Variants in NBAS observed in about 807,000 individuals in gnomAD.
The protein encoded by NBAS is NAG/BC035112 fusion.
NBAS carries 219 observed loss-of-function variants against 302.5 expected under a neutral mutation model. The ratio of observed to expected loss-of-function variants is 0.72; its 90% CI spans 0.65 to 0.81. The LOEUF is 0.81. Ranked by LOEUF, NBAS falls within the 30% of genes least tolerant of loss-of-function variation. The probability of loss-of-function intolerance (pLI) is 0.00; values close to 1 mark genes in which losing one functional copy is unlikely to be tolerated. For synonymous variants in NBAS, 1,118 were observed against 1,021.6 expected, an observed-to-expected ratio of 1.09 and a Z score of -1.80; for missense variants, 2,932 against 2,841.6, an observed-to-expected ratio of 1.03 and a Z score of -0.72.
intron 9 of NBAS, among the ~76,000 whole-genome samples, chr2:15,517,527 G>A (rs1662456829): frequency 6.6e-6 from 1 of 152,096 alleles, no homozygotes; most frequent in Non-Finnish European, 1.5e-5. Context: ...ATATATGTCT[G>A]TGAATGTATA....
intron 25 of NBAS, among the ~76,000 whole-genome samples, chr2:15,411,228 A>C (rs970859429): frequency 1.9e-4 from 29 of 152,238 alleles, no homozygotes; most frequent in Non-Finnish European, 4.0e-4. Flanking sequence ...CTGACTCATC[A>C]TTTTAAAGAC....
chr2:15,494,495 C>T lies in NBAS; in HGVS notation c.955-5473G>A, dbSNP rs113770609. Among the ~76,000 whole-genome samples the T allele has an allele frequency of 3.9e-3, 601 of 152,266 alleles. 2 individuals carry two copies. The highest frequency in any genetic ancestry group is 0.014 in the African/African-American group (563 of 41,546). On this transcript the variant is annotated intron_variant, in intron 11 of 51. Transcript: ENST00000281513. The stretch of plus-strand genomic sequence containing the variant: ...TGAATCCATAATAACACATCTTAAT[C>T]GTAAATTCCAACAACATGTCTCATT...
At chr2:14,797,109 A>C in the NBAS span, among the ~76,000 whole-genome samples, 5 of 149,790 alleles carry the variant, frequency 3.3e-5, no homozygotes, top group African/African-American at 1.2e-4. Context: ...AAAAAAAAAA[A>C]AAAAACCAAA....
chr2:15,198,805 A>G (rs1665736362), intron 48 of NBAS, among the ~76,000 whole-genome samples: 1 of 152,218 alleles, frequency 6.6e-6, no homozygotes, highest in African/African-American at 2.4e-5. Context: ...ATGTATGTGC[A>G]TACTATAGCT....
the NBAS span, among the ~76,000 whole-genome samples, chr2:14,915,533 T>C: frequency 2.6e-5 from 4 of 152,292 alleles, no homozygotes; most frequent in African/African-American, 9.6e-5. Flanking sequence ...GCTATTCTCA[T>C]GACAGTGAAT....
At chr2:14,874,463 T>TAAAA in the NBAS span, among the ~76,000 whole-genome samples, 1 of 129,648 alleles carries the variant, frequency 7.7e-6, no homozygotes, top group Non-Finnish European at 1.6e-5. Flanking sequence ...CGTCTCTACT[T>TAAAA]AAAAAAAAAA....
At chr2:15,247,863 C>A (rs1435843738) in intron 44 of NBAS, among the ~76,000 whole-genome samples, 1 of 151,998 alleles carries the variant, frequency 6.6e-6, no homozygotes, top group Admixed American at 6.6e-5. Flanking sequence ...TAGTGGGAGA[C>A]TTTAACACCC....
chr2:15,448,725 G>A (rs1465440929), intron 21 of NBAS, among the ~76,000 whole-genome samples: 1 of 152,014 alleles, frequency 6.6e-6, no homozygotes, highest in Non-Finnish European at 1.5e-5. Context: ...ATGTCTTGTC[G>A]ACAAAATATT....
the NBAS span, among the ~76,000 whole-genome samples, chr2:14,813,308 G>A: frequency 1.3e-5 from 2 of 152,106 alleles, no homozygotes; most frequent in Non-Finnish European, 2.9e-5. Context: ...GGGAAGGTTT[G>A]GAACTTCTTA....
At chr2:14,841,214 G>A in the NBAS span, among the ~76,000 whole-genome samples, 4 of 151,798 alleles carry the variant, frequency 2.6e-5, no homozygotes, top group African/African-American at 9.7e-5. Context: ...AAAAGTGATA[G>A]ATTAAAATAT....
chr2:14,799,961 A>G, the NBAS span, among the ~76,000 whole-genome samples: 1 of 152,136 alleles, frequency 6.6e-6, no homozygotes, highest in Non-Finnish European at 1.5e-5. Flanking sequence ...TTTAACATGT[A>G]TGTCTTGTAG....
chr2:14,944,618 T>C, the NBAS span, among the ~76,000 whole-genome samples: 3 of 152,014 alleles, frequency 2.0e-5, no homozygotes, highest in South Asian at 2.1e-4. Context: ...CTGACATCAC[T>C]AGCCCTTACA....
rs147377928 is a variant in NBAS, at chr2:15,270,221, G to A, written c.5724+5263C>T. Among the ~76,000 whole-genome samples, 48 of 152,078 alleles carry A rather than the reference G, an allele frequency of 3.2e-4. No homozygotes were observed. The East Asian group carries it at 3.3e-3, about 10-fold the overall frequency. Reference sequence around the variant, plus strand: ...GTTTTAGACAGAGTCTCTCTCTGTCGTGGCACGATCTCGGGTCAGTGCAGC... The same window carrying A: ...GTTTTAGACAGAGTCTCTCTCTGTCATGGCACGATCTCGGGTCAGTGCAGC... On this transcript the variant is annotated intron_variant, in intron 44 of 51. Coordinates refer to ENST00000281513, the MANE Select transcript of NBAS (RefSeq NM_015909.4).
At chr2:15,056,457 T>C in the NBAS span, among the ~76,000 whole-genome samples, 1 of 152,204 alleles carries the variant, frequency 6.6e-6, no homozygotes, top group Non-Finnish European at 1.5e-5. Context: ...TTTACAATTG[T>C]TTTTAGTTAA....
intron 45 of NBAS, among the ~76,000 whole-genome samples, 163 bp downstream of exon 45, chr2:15,238,305 A>T (rs1012866626): frequency 7.2e-5 from 11 of 152,326 alleles, no homozygotes; most frequent in Middle Eastern, 3.4e-3. Flanking sequence ...CTGAATTGTC[A>T]ATCAAGTGAT....
At chr2:15,469,306 T>G (rs1440803962) in intron 16 of NBAS, among the ~76,000 whole-genome samples, 1 of 152,244 alleles carries the variant, frequency 6.6e-6, no homozygotes, top group Non-Finnish European at 1.5e-5. Flanking sequence ...GGTGTCAATT[T>G]TAGATCTCTC....
intron 21 of NBAS, among the ~76,000 whole-genome samples, chr2:15,433,102 G>C (rs986653363): frequency 6.6e-6 from 1 of 152,062 alleles, no homozygotes; most frequent in South Asian, 2.1e-4. Flanking sequence ...AGTAAATGCC[G>C]CAATACTGCC....
chr2:14,827,624 A>G, the NBAS span, among the ~76,000 whole-genome samples: 1 of 152,256 alleles, frequency 6.6e-6, no homozygotes, highest in African/African-American at 2.4e-5. Context: ...AGCCTTAAAA[A>G]GAAGGAAATC....
chr2:15,490,499 G>T (rs897289066), intron 11 of NBAS, among the ~76,000 whole-genome samples: 5 of 152,152 alleles, frequency 3.3e-5, no homozygotes, highest in African/African-American at 1.2e-4. Flanking sequence ...TCTAAGATGG[G>T]ATCAGGGAAA....
Sources: gnomAD v4.1 joint callset for allele counts (sites outside exome capture counted in the v4.1 genomes callset) on GRCh38, gnomAD v4.1.1 for gene constraint, MANE v1.5 for transcripts, NCBI Gene and HGNC (gene_info 2026-07-23, HGNC 2026-07-21) for gene names.